Variants in DACH1 observed in about 807,000 individuals in gnomAD.
The protein encoded by DACH1 is dachshund homolog 1.
DACH1 carries 12 observed loss-of-function variants against 54.2 expected under a neutral mutation model. That is an observed-to-expected ratio of 0.22 (90% CI 0.14 to 0.36). The LOEUF (loss-of-function observed/expected upper bound fraction) is 0.36. Ranked by LOEUF, DACH1 falls within the 10% of genes least tolerant of loss-of-function variation. The pLI, the probability that DACH1 is intolerant of heterozygous loss-of-function variation, is 1.00. For missense variants in DACH1, 805 were observed against 929.8 expected, an observed-to-expected ratio of 0.87 and a Z score of 1.75; for synonymous variants, 386 against 366.2, an observed-to-expected ratio of 1.05 and a Z score of -0.62.
intron 1 of DACH1, among the ~76,000 whole-genome samples, chr13:71,838,561 AC>A (rs1433269464): frequency 6.6e-6 from 1 of 152,208 alleles, no homozygotes; most frequent in Non-Finnish European, 1.5e-5. Context: ...ATCCCTTGAA[AC>A]AATCGTATCA....
At chr13:71,648,880 G>A (rs1009358860) in intron 2 of DACH1, among the ~76,000 whole-genome samples, 3 of 152,116 alleles carry the variant, frequency 2.0e-5, no homozygotes, top group Non-Finnish European at 4.4e-5. Context: ...CCTCACTACT[G>A]AAGGAGATGC....
intron 1 of DACH1, among the ~76,000 whole-genome samples, chr13:71,806,424 T>G (rs1344876020): frequency 6.6e-6 from 1 of 152,192 alleles, no homozygotes; most frequent in Non-Finnish European, 1.5e-5. Context: ...TAACTTAGAA[T>G]GTGAGAGAAC....
chr13:71,603,780 T>C (rs1037409196), intron 3 of DACH1, among the ~76,000 whole-genome samples: 1 of 151,988 alleles, frequency 6.6e-6, no homozygotes, highest in African/African-American at 2.4e-5. Flanking sequence ...ATTACATTAG[T>C]TGAAAATTTA....
At position 71,489,031 on chromosome 13, in the gene DACH1, A is replaced by T. The variant is rs780203589; in HGVS notation, c.1688T>A (p.Leu563Gln). The T allele has an allele frequency of 8.7e-6, 14 of 1,613,702 alleles. No homozygotes were observed. The highest frequency in any genetic ancestry group is 1.1e-5 in the Non-Finnish European group (13 of 1,179,796). ...FPSPFLFPDG[L>Q]SSIETLLTNI... ...AGTCAGAAGAGTCTCGATGGAAGAC[A>T]GTCCATCAGGAAACAGAAAAGGAGA... is the stretch of plus-strand genomic sequence containing the variant. Residue 563 changes from leucine (L) to glutamine (Q), a missense_variant, in exon 7 of 11, where the codon CTG becomes CAG. Transcript: ENST00000613252.
At chr13:71,544,234 AT>A (rs1448552015) in intron 6 of DACH1, among the ~76,000 whole-genome samples, 1 of 152,098 alleles carries the variant, frequency 6.6e-6, no homozygotes, top group African/African-American at 2.4e-5. Flanking sequence ...CGTATTCCTT[AT>A]TGCCAGTAAA....
chr13:71,460,905 A>C (rs1380081929), intron 10 of DACH1, among the ~76,000 whole-genome samples: 3 of 152,078 alleles, frequency 2.0e-5, no homozygotes, highest in Non-Finnish European at 2.9e-5. Flanking sequence ...TGTATTCCAA[A>C]GGATAAACAG....
intron 2 of DACH1, among the ~76,000 whole-genome samples, chr13:71,673,527 C>A (rs1220669346): frequency 1.3e-5 from 2 of 151,754 alleles, no homozygotes; most frequent in Non-Finnish European, 2.9e-5. Flanking sequence ...GTTATATATA[C>A]CTGTATATGC....
chr13:71,615,871 T>G (rs941190650), intron 3 of DACH1, among the ~76,000 whole-genome samples: 3 of 152,154 alleles, frequency 2.0e-5, no homozygotes, highest in Admixed American at 2.0e-4. Context: ...TTACTTCTAT[T>G]ACCTACTTAA....
At chr13:71,505,354 T>A (rs1479292271) in intron 6 of DACH1, among the ~76,000 whole-genome samples, 1 of 152,204 alleles carries the variant, frequency 6.6e-6, no homozygotes, top group Non-Finnish European at 1.5e-5. Flanking sequence ...GTACTGGGAT[T>A]ACAGGCGTAA....
At chr13:71,613,014 T>C (rs1330984618) in intron 3 of DACH1, among the ~76,000 whole-genome samples, 1 of 152,220 alleles carries the variant, frequency 6.6e-6, no homozygotes, top group Non-Finnish European at 1.5e-5. Flanking sequence ...AGGACGATGG[T>C]TATGAAGCAA....
chr13:71,586,773 G>T (rs149018167), intron 3 of DACH1, among the ~76,000 whole-genome samples: 1,838 of 152,006 alleles, frequency 0.012, 24 homozygotes, highest in African/African-American at 0.042. Context: ...CCTTCATTCT[G>T]CCCAGGAAGA....
At chr13:71,748,954 C>G (rs7983994) in intron 1 of DACH1, among the ~76,000 whole-genome samples, 1 of 43,456 alleles carries the variant, frequency 2.3e-5, no homozygotes, top group East Asian at 3.8e-4. Flanking sequence ...CTTTCTTTCT[C>G]TCTTTCTTTC....
chr13:71,771,800 T>C (rs1339976557), intron 1 of DACH1, among the ~76,000 whole-genome samples: 1 of 151,024 alleles, frequency 6.6e-6, no homozygotes, highest in East Asian at 1.9e-4. Context: ...ACACACTCTT[T>C]ATCTCACTAA....
chr13:71,672,168 A>G (rs559884089), intron 2 of DACH1, among the ~76,000 whole-genome samples: 2 of 152,242 alleles, frequency 1.3e-5, no homozygotes, highest in Admixed American at 1.3e-4. Flanking sequence ...ATTTCTATCT[A>G]TTAAGCTTAG....
At chr13:71,607,847 A>T (rs1261079552) in intron 3 of DACH1, among the ~76,000 whole-genome samples, 1 of 152,088 alleles carries the variant, frequency 6.6e-6, no homozygotes, top group Admixed American at 6.6e-5. Context: ...GTTTCAAAGG[A>T]ACAGTGTCAT....
chr13:71,866,482 G>C lies in DACH1; in HGVS notation c.288C>G (p.Gly96=). 3.2e-6 allele frequency: 4 copies of C among 1,247,210 alleles called. No homozygotes were observed. Among genetic ancestry groups the C allele is most frequent in the South Asian group, 3.0e-5 (1 of 32,802 alleles). 77.3% of individuals were successfully genotyped at this position (1,247,210 alleles called of 1,614,324 possible). Residue 96 remains glycine (G), a synonymous_variant, in exon 1 of 11, where the codon GGC becomes GGG. Coordinates refer to ENST00000613252, the MANE Select transcript of DACH1 (RefSeq NM_080759.6). ...TGCAGTTGCTGCCACCGCCGCCGCCGCCACCGCCGCCTCCGTTGCCGCTGC... is the reference window on the plus strand; with the variant it reads ...TGCAGTTGCTGCCACCGCCGCCGCCCCCACCGCCGCCTCCGTTGCCGCTGC... ...GGSSGNGGGG[G]GGGGGSNCNP... is the part of the protein sequence containing the mutation.
At chr13:71,578,184 C>A (rs141616187) in intron 3 of DACH1, among the ~76,000 whole-genome samples, 3 of 152,218 alleles carry the variant, frequency 2.0e-5, no homozygotes, top group African/African-American at 7.2e-5. Flanking sequence ...GGAGGCAAAT[C>A]GCAAAGGGAC....
intron 1 of DACH1, among the ~76,000 whole-genome samples, chr13:71,769,880 A>C (rs750764603): frequency 5.9e-5 from 9 of 151,686 alleles, no homozygotes; most frequent in Admixed American, 1.3e-4. Flanking sequence ...ACATGAATAA[A>C]AAAAGAGGCT....
intron 4 of DACH1, among the ~76,000 whole-genome samples, chr13:71,566,969 A>T (rs1884928643): frequency 1.3e-5 from 2 of 152,058 alleles, no homozygotes; most frequent in Admixed American, 1.3e-4. Context: ...GAATTAGGTC[A>T]CTCTGGTTGT....
Sources: gnomAD v4.1 joint callset for allele counts (sites outside exome capture counted in the v4.1 genomes callset) on GRCh38, gnomAD v4.1.1 for gene constraint, MANE v1.5 for transcripts, NCBI Gene and HGNC (gene_info 2026-07-23, HGNC 2026-07-21) for gene names.